GBF1: variants seen among roughly 807,000 people sequenced by gnomAD.
The protein encoded by GBF1 is Golgi-specific brefeldin A-resistance guanine nucleotide exchange factor 1.
GBF1 carries 114 observed loss-of-function variants against 210.5 expected under a neutral mutation model. The observed-to-expected ratio is 0.54, with a 90% confidence interval of 0.47 to 0.63. The LOEUF is 0.63. Ranked by LOEUF, GBF1 falls within the 30% of genes least tolerant of loss-of-function variation. The pLI is 0.00. For missense variants in GBF1, 1,851 were observed against 2,357.7 expected (o/e 0.79, Z 4.45); for synonymous variants, 850 against 889.2 (o/e 0.96, Z 0.78).
intron 3 of GBF1, among the ~76,000 whole-genome samples, chr10:102,329,475 T>G (rs971740440): frequency 2.0e-5 from 3 of 152,302 alleles, no homozygotes; most frequent in Non-Finnish European, 4.4e-5. Flanking sequence ...TGTTTTGTTT[T>G]GTTTTTGAGA....
At chr10:102,355,450 C>T (rs1027918603) in intron 8 of GBF1, among the ~76,000 whole-genome samples, 3 of 152,148 alleles carry the variant, frequency 2.0e-5, no homozygotes, top group Non-Finnish European at 4.4e-5. Flanking sequence ...GATAAGGTGG[C>T]GTAGAATTCC....
At chr10:102,343,879 A>T (rs567045405) in intron 3 of GBF1, among the ~76,000 whole-genome samples, 172 bp from the exon 4 acceptor site, 1 of 152,150 alleles carries the variant, frequency 6.6e-6, no homozygotes, top group African/African-American at 2.4e-5. Flanking sequence ...CATGCTGAAA[A>T]TTTTACAGAT....
chr10:102,358,529 C>G lies in GBF1; in HGVS notation c.811C>G (p.Pro271Ala), dbSNP rs1407302055. ...LTGGMPFIDVPTPISSASSEA... is the reference protein window; with the variant it reads ...LTGGMPFIDVATPISSASSEA... ...AGGTGGCATGCCCTTCATTGATGTG[C>G]CCACTCCCATCTCCTCTGCAAGTTC... The change falls in exon 10 of 40, where the codon CCC (proline) becomes GCC (alanine). Residue 271 changes from proline to alanine, a missense_variant. Transcript: ENST00000369983. The G allele has an allele frequency of 6.2e-7, 1 of 1,613,142 alleles. No homozygotes were observed. The highest frequency in any genetic ancestry group is 8.5e-7 in the Non-Finnish European group (1 of 1,179,102).
In GBF1 at chr10:102,257,384, C is replaced by G. The variant is rs149486844; in HGVS notation, c.-10-1545C>G. On this transcript the variant is annotated intron_variant, in intron 1 of 39. Transcript: ENST00000369983. The stretch of plus-strand genomic sequence containing the variant: ...AGTGCAGTTGTGGGGTCATAGCTCA[C>G]TGCAGCCTCGAACTCCTGAGCTCAA... Among the ~76,000 whole-genome samples, 11 of 152,314 alleles carry G rather than the reference C, an allele frequency of 7.2e-5. No individual in the cohort carries two copies. In the East Asian group the frequency reaches 2.1e-3, roughly 29 times the overall value.
intron 3 of GBF1, among the ~76,000 whole-genome samples, chr10:102,317,141 A>T (rs983633756): frequency 6.6e-6 from 1 of 152,052 alleles, no homozygotes; most frequent in African/African-American, 2.4e-5. Flanking sequence ...AACATTTAGT[A>T]GTAATATAAG....
intron 3 of GBF1, among the ~76,000 whole-genome samples, chr10:102,300,118 C>G (rs2077218514): frequency 6.6e-6 from 1 of 152,182 alleles, no homozygotes; most frequent in Non-Finnish European, 1.5e-5. Context: ...GAGTATCTTG[C>G]AACTGACTTC....
At chr10:102,313,620 C>T (rs1205213635) in intron 3 of GBF1, among the ~76,000 whole-genome samples, 1 of 152,166 alleles carries the variant, frequency 6.6e-6, no homozygotes, top group Admixed American at 6.5e-5. Flanking sequence ...GGCCTGAGCT[C>T]CTGTTGGAGA....
At chr10:102,340,533 A>C (rs1011894646) in intron 3 of GBF1, among the ~76,000 whole-genome samples, 7 of 150,872 alleles carry the variant, frequency 4.6e-5, no homozygotes, top group African/African-American at 1.7e-4. Flanking sequence ...TCGGCCTCCC[A>C]AAGTGCTGGG....
rs552295349 is a variant in GBF1, at chr10:102,342,879, A to G, written c.164-1172A>G. 7.2e-5 allele frequency among the ~76,000 whole-genome samples: 11 copies of G among 152,308 alleles called. No individual in the cohort carries two copies. In the South Asian group the frequency reaches 2.3e-3, roughly 32 times the overall value. On this transcript the variant is annotated intron_variant, in intron 3 of 39. Transcript: ENST00000369983. Reference sequence around the variant, plus strand: ...ACAGTGTAGTATTCTTTGACCTAGAATGGAATCTTCTAAATTCAGGAGTAA... The same window carrying G: ...ACAGTGTAGTATTCTTTGACCTAGAGTGGAATCTTCTAAATTCAGGAGTAA...
At chr10:102,368,908 A>C in intron 23 of GBF1, 76 bp downstream of exon 23, 1 of 1,019,104 alleles carries the variant, frequency 9.8e-7, no homozygotes, top group African/African-American at 1.6e-5. Flanking sequence ...TACCCTTATC[A>C]ACAGACCTGG....
chr10:102,258,123 G>A (rs1413662387), intron 1 of GBF1, among the ~76,000 whole-genome samples: 1 of 149,272 alleles, frequency 6.7e-6, no homozygotes, highest in East Asian at 2.0e-4. Flanking sequence ...AACATAAGAT[G>A]GACTTCATCT....
intron 7 of GBF1, 103 bp from the exon 8 acceptor site, chr10:102,353,497 A>C: frequency 1.0e-5 from 8 of 798,504 alleles, no homozygotes; most frequent in Non-Finnish European, 1.6e-5. Context: ...TTTCTAAGAC[A>C]CAGGGCATGC....
At position 102,376,626 on chromosome 10, in the gene GBF1, A is replaced by T; in HGVS notation, c.4114A>T (p.Asn1372Tyr). Residue 1372 changes from asparagine to tyrosine, a missense_variant, in exon 32 of 40, where the codon AAT becomes TAT. This residue lies in a region of GBF1 where 967 missense variants were observed against 1,247.7 expected (regional missense o/e 0.78). Transcript: ENST00000369983. ...CCGCCCAGGCCCTTCACCCCTGATC[A>T]ATCAATACAGCCTAACAGTGGGACT... Reference protein sequence around the residue: ...PSRPGPSPLINQYSLTVGLDL... With the variant: ...PSRPGPSPLIYQYSLTVGLDL... 6.2e-7 allele frequency: 1 copy of T among 1,613,848 alleles called. No individual in the cohort carries two copies. The highest frequency in any genetic ancestry group is 8.5e-7 in the Non-Finnish European group (1 of 1,179,792).
At position 102,361,872 on chromosome 10, in the gene GBF1, G is replaced by A. The variant is rs769229880; in HGVS notation, c.1646G>A (p.Cys549Tyr). ...ATCAACTATGATTGTGACTACTACTGTTCCAACCTCTTTGAGGAACTCACA... is the reference window on the plus strand; with the variant it reads ...ATCAACTATGATTGTGACTACTACTATTCCAACCTCTTTGAGGAACTCACA... Reference protein sequence around the residue: ...LYINYDCDYYCSNLFEELTKL... With the variant: ...LYINYDCDYYYSNLFEELTKL... The change falls in exon 14 of 40, where the codon TGT becomes TAT. Residue 549 changes from cysteine to tyrosine, a missense_variant. Physicochemically the swap from Cys to Tyr is radical, Grantham distance 194. Around this residue, in one of 3 missense-constraint regions of GBF1, gnomAD observed 804 missense variants for 958.6 expected, o/e 0.84. Transcript: ENST00000369983. 1 of 1,611,802 alleles carries A rather than the reference G, an allele frequency of 6.2e-7. No individual in the cohort carries two copies. Among genetic ancestry groups the A allele is most frequent in the South Asian group, 1.1e-5 (1 of 90,752 alleles).
At chr10:102,373,595 C>A (rs2060332223) in intron 29 of GBF1, among the ~76,000 whole-genome samples, 1 of 152,176 alleles carries the variant, frequency 6.6e-6, no homozygotes, top group South Asian at 2.1e-4. Context: ...GACATCACTA[C>A]CCACTTTTCA....
In GBF1 at chr10:102,358,134, A is replaced by G. The variant is rs1299010626; in HGVS notation, c.735A>G (p.Pro245=). ...RPPRHMTKVT[P]GSELPTPNGT... is the part of the protein sequence containing the mutation. ...CACGCCATATGACCAAAGTCACACC[A>G]GGTTCAGAGCTGCCCACTCCCAATG... The change falls in exon 9 of 40, where the codon CCA becomes CCG. Residue 245 remains proline, a synonymous_variant. Transcript: ENST00000369983. 1 of 1,613,546 alleles carries G rather than the reference A, an allele frequency of 6.2e-7. No homozygotes were observed. The highest frequency in any genetic ancestry group is 1.7e-5 in the Admixed American group (1 of 60,004).
the GBF1 span, among the ~76,000 whole-genome samples, chr10:102,237,406 G>T: frequency 1.3e-5 from 2 of 152,150 alleles, no homozygotes; most frequent in East Asian, 1.9e-4. Context: ...GGTGAGCCTA[G>T]GTTAGTCAGA....
chr10:102,329,143 A>G lies in GBF1; in HGVS notation c.164-14908A>G, dbSNP rs2057133926. 3.3e-5 allele frequency among the ~76,000 whole-genome samples: 5 copies of G among 152,152 alleles called. No individual in the cohort carries two copies. In the South Asian group the frequency reaches 6.2e-4, roughly 19 times the overall value. On this transcript the variant is annotated intron_variant, in intron 3 of 39. Coordinates refer to ENST00000369983, the MANE Select transcript of GBF1 (RefSeq NM_001377137.1). Reference sequence around the variant, plus strand: ...ATTGCTTGCCTTTCAATATGTGCCAATTTCCTCTAGAAAGAAGAGAACTAG... The same window carrying G: ...ATTGCTTGCCTTTCAATATGTGCCAGTTTCCTCTAGAAAGAAGAGAACTAG...
At chr10:102,321,268 C>T (rs2056364509) in intron 3 of GBF1, among the ~76,000 whole-genome samples, 1 of 152,174 alleles carries the variant, frequency 6.6e-6, no homozygotes, top group South Asian at 2.1e-4. Context: ...GATTGTGTTG[C>T]ATTGTTCACC....
Sources: gnomAD v4.1 joint callset for allele counts (sites outside exome capture counted in the v4.1 genomes callset) on GRCh38, gnomAD v4.1.1 for gene constraint, gnomAD v4.1.1 regional missense constraint, MANE v1.5 for transcripts, NCBI Gene and HGNC (gene_info 2026-07-23, HGNC 2026-07-21) for gene names.